The following THSD7B variants were observed in gnomAD, a reference collection of about 807,000 sequenced individuals.
THSD7B encodes the protein thrombospondin type 1 domain containing 7B, also known as thrombospondin type-1 domain-containing protein 7B.
Under a neutral mutation model 213.6 loss-of-function variants are expected in THSD7B, and 138 were observed. That is an observed-to-expected ratio of 0.65 (90% CI 0.56 to 0.74). The LOEUF (loss-of-function observed/expected upper bound fraction) is 0.74. Ranked by LOEUF, THSD7B falls within the 30% of genes least tolerant of loss-of-function variation. THSD7B has a pLI of 0.00. For missense variants in THSD7B, 1,931 were observed against 1,991.5 expected (o/e 0.97, Z 0.58); for synonymous variants, 742 against 687.0 (o/e 1.08, Z -1.25).
At chr2:136,983,078 TAAAA>T (rs35691845) in intron 2 of THSD7B, among the ~76,000 whole-genome samples, 1 of 146,256 alleles carries the variant, frequency 6.8e-6, no homozygotes, top group African/African-American at 2.5e-5. Context: ...AGTTTAAAAT[TAAAA>T]AAAAAAACAT....
chr2:137,309,392 T>C (rs1683835816), intron 12 of THSD7B, among the ~76,000 whole-genome samples: 1 of 151,872 alleles, frequency 6.6e-6, no homozygotes, highest in South Asian at 2.1e-4. Flanking sequence ...TTGTCACATA[T>C]TTTGCAAATA....
chr2:137,179,378 C>T lies in THSD7B; in HGVS notation c.1723+8440C>T, dbSNP rs546735508. Among the ~76,000 whole-genome samples, 14 of 152,150 alleles carry T rather than the reference C, an allele frequency of 9.2e-5. No individual in the cohort carries two copies. In the East Asian group the frequency reaches 2.3e-3, roughly 25 times the overall value. On this transcript the variant is annotated intron_variant, in intron 7 of 27. Coordinates refer to ENST00000409968, the MANE Select transcript of THSD7B (RefSeq NM_001316349.2). ...TTGCTGTTTCATATGACCATTGGCT[C>T]ATTACTCTTGACACATTTACCAGTT...
At chr2:137,377,528 G>C (rs1269160311) in intron 12 of THSD7B, among the ~76,000 whole-genome samples, 1 of 151,870 alleles carries the variant, frequency 6.6e-6, no homozygotes, top group Admixed American at 6.6e-5. Flanking sequence ...ACATTGTTTT[G>C]TGACGTGATG....
In THSD7B at chr2:137,057,364, G is replaced by A. The variant is rs564527149; in HGVS notation, c.950+134G>A. On this transcript the variant is annotated intron_variant, in intron 3 of 27. Transcript: ENST00000409968. ...TAATTTAGGTTTTTAGAAGTTTCAT[G>A]TAAGAAATTTTTAATTTCACTGGGA... The A allele has an allele frequency of 1.6e-5, 15 of 943,196 alleles. No homozygotes were observed. The East Asian group carries it at 4.0e-4, about 25-fold the overall frequency. The allele number at this position is 943,196 out of a possible 1,614,324, so 58.4% of individuals were successfully genotyped here. A position where few individuals can be genotyped will look rare whatever the true frequency, so the allele number is the denominator to read the frequency against.
intron 20 of THSD7B, among the ~76,000 whole-genome samples, chr2:137,623,566 AT>A (rs1342594454): frequency 6.6e-6 from 1 of 152,242 alleles, no homozygotes; most frequent in Non-Finnish European, 1.5e-5. Flanking sequence ...ACATGATTGT[AT>A]ATTGAGAAAA....
intron 14 of THSD7B, among the ~76,000 whole-genome samples, chr2:137,438,070 T>C (rs757923271): frequency 5.3e-5 from 8 of 152,166 alleles, no homozygotes; most frequent in Non-Finnish European, 1.0e-4. Context: ...ATAATACTAG[T>C]AGCAGAAATG....
At chr2:137,607,660 T>A (rs1335878998) in intron 17 of THSD7B, among the ~76,000 whole-genome samples, 1 of 152,200 alleles carries the variant, frequency 6.6e-6, no homozygotes. Flanking sequence ...ATAACTGACT[T>A]TTTTGGAGAA....
intron 1 of THSD7B, among the ~76,000 whole-genome samples, chr2:136,822,936 C>T (rs1023027752): frequency 5.9e-5 from 9 of 152,140 alleles, no homozygotes; most frequent in African/African-American, 2.2e-4. Context: ...ATGTGTGATT[C>T]TAATTTAGTT....
intron 14 of THSD7B, among the ~76,000 whole-genome samples, chr2:137,447,060 T>C (rs1687555221): frequency 6.6e-6 from 1 of 152,144 alleles, no homozygotes; most frequent in South Asian, 2.1e-4. Context: ...TCCTTTGGGG[T>C]ATACTCTGGC....
intron 2 of THSD7B, among the ~76,000 whole-genome samples, chr2:136,938,477 C>A (rs72848219): frequency 6.6e-6 from 1 of 152,156 alleles, no homozygotes; most frequent in Non-Finnish European, 1.5e-5. Context: ...TTTCCCATTT[C>A]TCCCCAAATA....
intron 3 of THSD7B, among the ~76,000 whole-genome samples, chr2:137,058,532 C>A (rs1687210055): frequency 6.6e-6 from 1 of 152,026 alleles, no homozygotes; most frequent in Non-Finnish European, 1.5e-5. Flanking sequence ...CCTGTATACT[C>A]CCTGTCTCCA....
At chr2:136,986,190 TTA>T (rs1491013034) in intron 2 of THSD7B, among the ~76,000 whole-genome samples, 4 of 119,598 alleles carry the variant, frequency 3.3e-5, no homozygotes, top group Non-Finnish European at 8.6e-5. Context: ...TAAATTAAGA[TTA>T]GGGGGGGACT....
intron 12 of THSD7B, among the ~76,000 whole-genome samples, chr2:137,401,486 T>G (rs534242471): frequency 6.6e-6 from 1 of 152,344 alleles, no homozygotes; most frequent in African/African-American, 2.4e-5. Context: ...AGGAAATGTT[T>G]CATTTAACTT....
At chr2:137,455,124 AG>A (rs1687739114) in intron 15 of THSD7B, among the ~76,000 whole-genome samples, 1 of 152,154 alleles carries the variant, frequency 6.6e-6, no homozygotes, top group African/African-American at 2.4e-5. Flanking sequence ...TTTGAGGGCA[AG>A]GGCTGTCTTT....
At chr2:137,266,458 T>C (rs1682591628) in intron 10 of THSD7B, among the ~76,000 whole-genome samples, 1 of 152,048 alleles carries the variant, frequency 6.6e-6, no homozygotes, top group Non-Finnish European at 1.5e-5. Context: ...ATGGGTTCAG[T>C]TTTGTTTTTG....
At chr2:137,442,058 G>A (rs1256600328) in intron 14 of THSD7B, among the ~76,000 whole-genome samples, 2 of 151,930 alleles carry the variant, frequency 1.3e-5, no homozygotes. Flanking sequence ...TTAGAAAGGA[G>A]AAATATTGTT....
chr2:137,563,017 T>C (rs1681154730), intron 15 of THSD7B, among the ~76,000 whole-genome samples: 1 of 152,176 alleles, frequency 6.6e-6, no homozygotes, highest in African/African-American at 2.4e-5. Context: ...CATATTTTAG[T>C]TGATTTCCCC....
chr2:137,015,662 G>A (rs1686325268), intron 2 of THSD7B, among the ~76,000 whole-genome samples: 1 of 152,152 alleles, frequency 6.6e-6, no homozygotes, highest in Non-Finnish European at 1.5e-5. Context: ...GGTGTTAAAA[G>A]AGCAGAGTCC....
chr2:137,258,528 C>A (rs1682361178), intron 10 of THSD7B, among the ~76,000 whole-genome samples: 1 of 152,018 alleles, frequency 6.6e-6, no homozygotes, highest in South Asian at 2.1e-4. Context: ...CCTTCAAGTT[C>A]TTACTCAAAT....
Sources: allele counts gnomAD v4.1 joint callset (sites outside exome capture counted in the v4.1 genomes callset), GRCh38; gene constraint gnomAD v4.1.1; transcripts MANE v1.5; gene names NCBI Gene and HGNC (gene_info 2026-07-23, HGNC 2026-07-21).